VDR: variants seen among roughly 807,000 people sequenced by gnomAD.
VDR encodes vitamin D receptor, also known as vitamin D3 receptor.
A neutral mutation model predicts 39.7 loss-of-function variants in VDR; 19 were observed. That is an observed-to-expected ratio of 0.48 (90% CI 0.33 to 0.70). VDR has a LOEUF of 0.70. VDR is among the 30% of genes least tolerant of loss of function. The pLI, the probability that VDR is intolerant of heterozygous loss-of-function variation, is 0.02. For synonymous variants in VDR, 242 were observed against 215.8 expected (o/e 1.12, Z -1.07); for missense variants, 442 against 570.5 (o/e 0.77, Z 2.29).
intron 1 of VDR, among the ~76,000 whole-genome samples, chr12:47,900,609 C>T (rs1015223010): frequency 1.3e-5 from 2 of 152,196 alleles, no homozygotes; most frequent in Admixed American, 6.5e-5. Flanking sequence ...AGCACAGCAC[C>T]TGTTACCAAG....
Position 47,843,043 on chromosome 12 carries a change from G to A in VDR, c.*1703C>T, listed in dbSNP as rs1033652606. ...AAATATCTCCAAATCAGTGGTACCT[G>A]CTACCCTGTATATTAGACTATAATA... is the stretch of plus-strand genomic sequence containing the variant. On this transcript the variant is annotated 3_prime_UTR_variant, in exon 10 of 10. Coordinates refer to ENST00000549336, the MANE Select transcript of VDR (RefSeq NM_000376.3). 6.6e-6 allele frequency: 1 copy of A among 152,174 alleles called. No homozygotes were observed. The highest frequency in any genetic ancestry group is 1.5e-5 in the Non-Finnish European group (1 of 68,048). The allele number at this position is 152,174 out of a possible 1,614,324, so 9.4% of individuals were successfully genotyped here. A position where few individuals can be genotyped will look rare whatever the true frequency, so the allele number is the denominator to read the frequency against.
intron 1 of VDR, among the ~76,000 whole-genome samples, chr12:47,887,652 C>T (rs1481566606): frequency 1.3e-5 from 2 of 152,226 alleles, no homozygotes; most frequent in Non-Finnish European, 2.9e-5. Context: ...CTGGAGAGAA[C>T]AGTGTCTGTT....
At chr12:47,866,139 G>C (rs918687828) in intron 3 of VDR, among the ~76,000 whole-genome samples, 5 of 149,984 alleles carry the variant, frequency 3.3e-5, no homozygotes, top group African/African-American at 9.8e-5. Flanking sequence ...ATGGAGTCTC[G>C]CTCTGTCGCC....
chr12:47,896,666 A>G (rs1946470399), intron 1 of VDR: 1 of 152,118 alleles, frequency 6.6e-6, no homozygotes, highest in Non-Finnish European at 1.5e-5. Flanking sequence ...GTTCCACTCC[A>G]TTTCCAGTTT....
chr12:47,874,218 C>CACATCCTTGAA (rs1298735357), intron 3 of VDR, among the ~76,000 whole-genome samples: 2 of 152,190 alleles, frequency 1.3e-5, no homozygotes, highest in Non-Finnish European at 2.9e-5. Flanking sequence ...CCTTGAATAT[C>CACATCCTTGAA]TGTGAATGGA....
chr12:47,851,577 C>T (rs1945388679), intron 7 of VDR, among the ~76,000 whole-genome samples: 1 of 152,230 alleles, frequency 6.6e-6, no homozygotes, highest in Non-Finnish European at 1.5e-5. Context: ...CACTGTTCTT[C>T]TATGTCTTGG....
Position 47,844,912 on chromosome 12 carries a change from G to A in VDR, c.1118C>T (p.Pro373Leu), listed in dbSNP as rs867536387. Residue 373 changes from proline to leucine, a missense_variant, in exon 10 of 10, where the codon CCC becomes CTC. Pro to Leu is a moderately conservative substitution (Grantham distance 98, BLOSUM62 -3). This residue lies in a region of VDR where 173 missense variants were observed against 252.0 expected (regional missense o/e 0.69). Coordinates refer to ENST00000549336, the MANE Select transcript of VDR (RefSeq NM_000376.3). ...GGCATAGAGCAGGTGGCTGCCCGGG[G>A]GCGGGTGGCGGCAGCGGATGTACGT... ...LQTYIRCRHP[P>L]PGSHLLYAKM... 6.2e-7 allele frequency: 1 copy of A among 1,614,044 alleles called. No homozygotes were observed. The highest frequency in any genetic ancestry group is 8.5e-7 in the Non-Finnish European group (1 of 1,180,014).
intron 1 of VDR, among the ~76,000 whole-genome samples, chr12:47,887,958 C>T (rs1946289132): frequency 6.6e-6 from 1 of 152,198 alleles, no homozygotes; most frequent in Non-Finnish European, 1.5e-5. Flanking sequence ...CATGGACTGA[C>T]ACCCCCTGCA....
chr12:47,869,296 G>A (rs1321633133), intron 3 of VDR, among the ~76,000 whole-genome samples: 1 of 152,168 alleles, frequency 6.6e-6, no homozygotes, highest in African/African-American at 2.4e-5. Flanking sequence ...CAGCACTTTG[G>A]GAGGCCGAGA....
chr12:47,875,789 A>G (rs557168508), intron 3 of VDR, among the ~76,000 whole-genome samples: 1 of 152,364 alleles, frequency 6.6e-6, no homozygotes, highest in Non-Finnish European at 1.5e-5. Context: ...TGATCAACAC[A>G]TAACCTTGTC....
chr12:47,848,366 A>G (rs1469984397), intron 7 of VDR, among the ~76,000 whole-genome samples: 3 of 151,862 alleles, frequency 2.0e-5, no homozygotes, highest in African/African-American at 7.2e-5. Flanking sequence ...AGCTCCAGCC[A>G]GGAATACCCT....
intron 1 of VDR, chr12:47,899,874 A>G: frequency 4.1e-6 from 4 of 982,416 alleles, no homozygotes; most frequent in Non-Finnish European, 4.8e-6. Context: ...GAGGCAAGCA[A>G]AGCAATGTGC....
chr12:47,895,294 T>G (rs1946444454), intron 1 of VDR, among the ~76,000 whole-genome samples: 1 of 152,204 alleles, frequency 6.6e-6, no homozygotes, highest in South Asian at 2.1e-4. Context: ...CTTTTTTTTG[T>G]GCCTTAAGAC....
intron 3 of VDR, among the ~76,000 whole-genome samples, chr12:47,868,495 T>G (rs750659785): frequency 6.6e-6 from 1 of 152,234 alleles, no homozygotes; most frequent in African/African-American, 2.4e-5. Context: ...CTTTTGCCGT[T>G]CACCTCTATT....
intron 4 of VDR, among the ~76,000 whole-genome samples, chr12:47,862,789 G>A (rs1945651642): frequency 6.6e-6 from 1 of 152,228 alleles, no homozygotes; most frequent in Non-Finnish European, 1.5e-5. Context: ...CTGAGGCCGG[G>A]GGACTTCACA....
chr12:47,892,529 C>T (rs540652190), intron 1 of VDR, among the ~76,000 whole-genome samples: 8 of 152,320 alleles, frequency 5.3e-5, no homozygotes, highest in African/African-American at 9.6e-5. Flanking sequence ...TAGGATGTGG[C>T]GGCATTTCTT....
intron 9 of VDR, among the ~76,000 whole-genome samples, 183 bp downstream of exon 9, chr12:47,846,152 G>T (rs528708828): frequency 6.6e-6 from 1 of 152,250 alleles, no homozygotes; most frequent in East Asian, 1.9e-4. Context: ...TAAGGGCAGT[G>T]AGGGGCACCT....
intron 2 of VDR, among the ~76,000 whole-genome samples, chr12:47,881,150 G>A (rs1030173614): frequency 3.3e-5 from 5 of 150,024 alleles, no homozygotes; most frequent in South Asian, 2.1e-4. Context: ...TTTTACACAC[G>A]TATACTGTCC....
chr12:47,854,203 C>A (rs1252603723), intron 7 of VDR, among the ~76,000 whole-genome samples: 2 of 152,084 alleles, frequency 1.3e-5, no homozygotes, highest in South Asian at 2.1e-4. Context: ...ATCACTGTAG[C>A]CTTGACCTCC....
Sources: gnomAD v4.1 joint callset for allele counts (sites outside exome capture counted in the v4.1 genomes callset) on GRCh38, gnomAD v4.1.1 for gene constraint, gnomAD v4.1.1 regional missense constraint, MANE v1.5 for transcripts, NCBI Gene and HGNC (gene_info 2026-07-23, HGNC 2026-07-21) for gene names.